The following ADAM15 variants were observed in gnomAD, a reference collection of about 807,000 sequenced individuals.
ADAM15 encodes disintegrin and metalloproteinase domain-containing protein 15.
In ADAM15, 77 loss-of-function variants were observed where a neutral mutation model predicts 113.8. That is an observed-to-expected ratio of 0.68 (90% CI 0.56 to 0.82). The LOEUF (loss-of-function observed/expected upper bound fraction) is 0.82. Among genes scored for constraint, ADAM15 ranks in the 40% least tolerant of loss-of-function variants. The pLI, the probability that ADAM15 is intolerant of heterozygous loss-of-function variation, is 0.00. For synonymous variants in ADAM15, 388 were observed against 454.1 expected, an observed-to-expected ratio of 0.85 and a Z score of 1.85; for missense variants, 963 against 1,120.1, an observed-to-expected ratio of 0.86 and a Z score of 2.00.
rs1187694708 is a variant in ADAM15 at position 155,055,530 on chromosome 1, T to C, written c.613-260T>C. 3 of 512,592 alleles carry C rather than the reference T, an allele frequency of 5.9e-6. No individual in the cohort carries two copies. In the East Asian group the frequency reaches 1.1e-4, roughly 18 times the overall value. 31.8% of individuals were successfully genotyped at this position (512,592 alleles called of 1,614,324 possible). ...CGTGAGCCACCGCACCCAGCTAAAT[T>C]ACTGTTTTTTAAAAATTTGAAAAAA... On this transcript the variant is annotated intron_variant, in intron 6 of 22. Transcript: ENST00000356955.
At position 155,054,487 on chromosome 1, in the gene ADAM15, G is replaced by A; in HGVS notation, c.593G>A (p.Gly198Glu). The A allele has an allele frequency of 6.3e-7, 1 of 1,581,282 alleles. No individual in the cohort carries two copies. The highest frequency in any genetic ancestry group is 2.3e-5 in the East Asian group (1 of 44,278). The change falls in exon 6 of 23, where the codon GGA becomes GAA. Residue 198 changes from glycine to glutamate, a missense_variant. Physicochemically the swap from Gly to Glu is moderately conservative, Grantham distance 98. Transcript: ENST00000356955. ...HTQKPPEHPL[G>E]QRHIRRRRDV... ...CAGAAGCCACCAGAGCACCCCCTGG[G>A]ACAGCGCCACATTCGCCGGGTGAGG... is the stretch of plus-strand genomic sequence containing the variant.
At chr1:155,061,758 T>C (rs1383674915) in intron 20 of ADAM15, 146 bp from the exon 21 acceptor site, 1 of 978,302 alleles carries the variant, frequency 1.0e-6, no homozygotes, top group African/African-American at 1.6e-5. Flanking sequence ...TCAGCTGGCA[T>C]GCCTCCAAGC....
Position 155,057,737 on chromosome 1 carries a change from G to A in ADAM15, c.1416+8G>A. 1 of 1,614,216 alleles carries A rather than the reference G, an allele frequency of 6.2e-7. No homozygotes were observed. ...TGTTGTCAAAATTGCCAGGTGGGTAGAGACTAGACTGGCCACCCGGAGCTC... is the reference window on the plus strand; with the variant it reads ...TGTTGTCAAAATTGCCAGGTGGGTAAAGACTAGACTGGCCACCCGGAGCTC... On this transcript the variant is annotated splice_region_variant and intron_variant, in intron 13 of 22. Coordinates refer to ENST00000356955, the MANE Select transcript of ADAM15 (RefSeq NM_207197.3). The surrounding 1 kb of genome is among the most constrained non-coding windows in gnomAD (Gnocchi z 5.0).
rs984158171 is a variant in ADAM15 at position 155,062,700 on chromosome 1, G to A, written c.*198G>A. The A allele has an allele frequency of 1.4e-6, 1 of 708,514 alleles. No individual in the cohort carries two copies. Among genetic ancestry groups the A allele is most frequent in the Admixed American group, 2.8e-5 (1 of 35,484 alleles). The allele number at this position is 708,514 out of a possible 1,614,324, so 43.9% of individuals were successfully genotyped here. ...AGCGGGGGCTTGGGGAGGGGCTGGG[G>A]GTTGGACGGGATTGAGGAAGGTCCG... On this transcript the variant is annotated 3_prime_UTR_variant, in exon 23 of 23. Transcript: ENST00000356955. This position sits in a 1 kb window ranked among gnomAD's most constrained non-coding sequence, Gnocchi z 7.0.
At chr1:155,052,505 C>T (rs1358954315) in intron 1 of ADAM15, 166 bp from the exon 2 acceptor site, 2 of 1,540,532 alleles carry the variant, frequency 1.3e-6, no homozygotes, top group Non-Finnish European at 8.7e-7. Context: ...GAGAGACACC[C>T]TCTCCTTCCA....
intron 4 of ADAM15, 58 bp from the exon 5 acceptor site, chr1:155,054,092 T>C: frequency 1.2e-6 from 2 of 1,613,064 alleles, no homozygotes; most frequent in Non-Finnish European, 1.7e-6. Flanking sequence ...GCTAGGCTCC[T>C]CAGTTCCAGT....
Position 155,057,388 on chromosome 1 carries a change from C to A in ADAM15, c.1323+26C>A. 1.9e-6 allele frequency: 3 copies of A among 1,613,418 alleles called. No homozygotes were observed. The highest frequency in any genetic ancestry group is 2.5e-6 in the Non-Finnish European group (3 of 1,179,572). On this transcript the variant is annotated intron_variant, in intron 12 of 22. Transcript: ENST00000356955. The surrounding 1 kb of genome is among the most constrained non-coding windows in gnomAD (Gnocchi z 5.0). The stretch of plus-strand genomic sequence containing the variant: ...GTGAGCCCCTTTCCCAAAGCCTCGC[C>A]CCACTCACTTCTGTACCCTCACCCT...
Position 155,056,138 on chromosome 1 carries a change from G to T in ADAM15, c.803G>T (p.Arg268Leu). Residue 268 changes from arginine to leucine, a missense_variant, in exon 9 of 23, where the codon CGT (arginine) becomes CTT (leucine). Coordinates refer to ENST00000356955, the MANE Select transcript of ADAM15 (RefSeq NM_207197.3). This position sits in a 1 kb window ranked among gnomAD's most constrained non-coding sequence, Gnocchi z 4.0. The part of the protein sequence containing the change: ...ALVGLEAWTQ[R>L]DLVEISPNPA... Reference sequence around the variant, plus strand: ...GTGGGCCTGGAGGCCTGGACCCAGCGTGACCTGGTGGAGATCAGCCCAAAC... The same window carrying T: ...GTGGGCCTGGAGGCCTGGACCCAGCTTGACCTGGTGGAGATCAGCCCAAAC... The T allele has an allele frequency of 1.9e-6, 3 of 1,613,930 alleles. No homozygotes were observed. The South Asian group carries it at 3.3e-5, about 18-fold the overall frequency.
chr1:155,056,014 AG>A lies in ADAM15; in HGVS notation c.744+17del. ...TTGCTGGACACAGTGAGTGCTGGACAGGGCAACCCCCACCCCAGGCCCCTGA... is the reference window on the plus strand; with the variant it reads ...TTGCTGGACACAGTGAGTGCTGGACAGGCAACCCCCACCCCAGGCCCCTGA... On this transcript the variant is annotated intron_variant, in intron 8 of 22. Transcript: ENST00000356955. This position sits in a 1 kb window ranked among gnomAD's most constrained non-coding sequence, Gnocchi z 4.0. 6.2e-7 allele frequency: 1 copy of A among 1,613,388 alleles called. No homozygotes were observed. Among genetic ancestry groups the A allele is most frequent in the Non-Finnish European group, 8.5e-7 (1 of 1,179,992 alleles).
chr1:155,055,912 T>G lies in ADAM15; in HGVS notation c.676-20T>G, dbSNP rs1030255866. The G allele has an allele frequency of 1.2e-6, 2 of 1,614,190 alleles. No individual in the cohort carries two copies. The highest frequency in any genetic ancestry group is 2.7e-5 in the African/African-American group (2 of 75,052). ...CTGCACTGCCCTGCCGCCTTTCATG[T>G]CACCTCTCTTGGCCTACAGGCCCAG... is the stretch of plus-strand genomic sequence containing the variant. On this transcript the variant is annotated intron_variant, in intron 7 of 22. Coordinates refer to ENST00000356955, the MANE Select transcript of ADAM15 (RefSeq NM_207197.3).
In ADAM15 at chr1:155,058,466, C is replaced by T. The variant is rs766780708; in HGVS notation, c.1917+25C>T. 16 of 1,606,746 alleles carry T rather than the reference C, an allele frequency of 1.0e-5. No individual in the cohort carries two copies. ...GGTGAGCAGCCTGGGTGGGCAAGAC[C>T]AGGTGTGAGAAGGGACATTTGGACC... On this transcript the variant is annotated intron_variant, in intron 15 of 22. Coordinates refer to ENST00000356955, the MANE Select transcript of ADAM15 (RefSeq NM_207197.3). This position sits in a 1 kb window ranked among gnomAD's most constrained non-coding sequence, Gnocchi z 4.3.
At chr1:155,054,585 G>C in intron 6 of ADAM15, 79 bp downstream of exon 6, 1 of 1,416,258 alleles carries the variant, frequency 7.1e-7, no homozygotes, top group Non-Finnish European at 9.4e-7. Flanking sequence ...TGTGTGCACA[G>C]TAACAACAGC....
At chr1:155,051,586 C>A in intron 1 of ADAM15, 121 bp downstream of exon 1, 4 of 907,936 alleles carry the variant, frequency 4.4e-6, no homozygotes, top group Non-Finnish European at 6.2e-6. Flanking sequence ...AGAGCGCGGC[C>A]CGCCCTGGTC....
At chr1:155,060,118 C>T in intron 17 of ADAM15, 87 bp from the exon 18 acceptor site, 1 of 1,580,098 alleles carries the variant, frequency 6.3e-7, no homozygotes, top group Non-Finnish European at 8.6e-7. Context: ...TCTCCCTGAT[C>T]ACTTGACTTC....
rs1662052580 is a variant in ADAM15, at chr1:155,058,151, C to T, written c.1717C>T (p.Pro573Ser). Residue 573 changes from proline (P) to serine (S), a missense_variant, in exon 14 of 23, where the codon CCT (proline) becomes TCT (serine). Coordinates refer to ENST00000356955, the MANE Select transcript of ADAM15 (RefSeq NM_207197.3). This position sits in a 1 kb window ranked among gnomAD's most constrained non-coding sequence, Gnocchi z 4.3. ...CAGTGGCAGTTATGTGTCCTGCACC[C>T]CTAGGTAAGTGAGGAAACCTGGCTC... ...NPSGSYVSCT[P>S]RDAICGQLQC... is the part of the protein sequence containing the mutation. 6.2e-7 allele frequency: 1 copy of T among 1,611,532 alleles called. No homozygotes were observed. The highest frequency in any genetic ancestry group is 1.3e-5 in the African/African-American group (1 of 74,850).
In ADAM15 at chr1:155,062,314, T is replaced by A. The variant is rs1662761767; in HGVS notation, c.2494T>A (p.Ser832Thr). 1.3e-6 allele frequency: 2 copies of A among 1,516,348 alleles called. No homozygotes were observed. The highest frequency in any genetic ancestry group is 1.8e-6 in the Non-Finnish European group (2 of 1,128,640). 93.9% of individuals were successfully genotyped at this position (1,516,348 alleles called of 1,614,324 possible). A position where few individuals can be genotyped will look rare whatever the true frequency, so the allele number is the denominator to read the frequency against. ...LPADPQGRCP[S>T]GDLPGPGAGI... Reference sequence around the variant, plus strand: ...TGCCGACCCCCAGGGCCGGTGCCCATCGGGTGACCTGCCCGGCCCAGGGGC... The same window carrying A: ...TGCCGACCCCCAGGGCCGGTGCCCAACGGGTGACCTGCCCGGCCCAGGGGC... The change falls in exon 22 of 23, where the codon TCG (serine) becomes ACG (threonine). Residue 832 changes from serine to threonine, a missense_variant. Ser to Thr is a moderately conservative substitution (Grantham distance 58). Transcript: ENST00000356955. The surrounding 1 kb of genome is among the most constrained non-coding windows in gnomAD (Gnocchi z 7.0).
At position 155,060,051 on chromosome 1, in the gene ADAM15, C is replaced by G. The variant is rs1662359703; in HGVS notation, c.2068+77C>G. 5 of 1,587,462 alleles carry G rather than the reference C, an allele frequency of 3.1e-6. No homozygotes were observed. In the Admixed American group the frequency reaches 8.4e-5, roughly 27 times the overall value. The stretch of plus-strand genomic sequence containing the variant: ...CTTTATCTTGCCCCCTCGGCCCTCT[C>G]TTTCTGACCCCCCTTTGCTGCTGGT... On this transcript the variant is annotated intron_variant, in intron 17 of 22. Transcript: ENST00000356955.
Position 155,058,530 on chromosome 1 carries a change from C to A in ADAM15, c.1917+89C>A. 1.3e-6 allele frequency: 2 copies of A among 1,562,962 alleles called. No homozygotes were observed. The highest frequency in any genetic ancestry group is 1.2e-5 in the South Asian group (1 of 86,692). On this transcript the variant is annotated intron_variant, in intron 15 of 22. Transcript: ENST00000356955. The surrounding 1 kb of genome is among the most constrained non-coding windows in gnomAD (Gnocchi z 4.3). ...CCCAGACTTCACCATTCACCAATGT[C>A]AAAGGCAGGGACTCCAAGGGAAGTC...
At chr1:155,051,552 C>G in intron 1 of ADAM15, 87 bp downstream of exon 1, 1 of 1,281,338 alleles carries the variant, frequency 7.8e-7, no homozygotes, top group Non-Finnish European at 1.0e-6. Context: ...TGGGGCCGGA[C>G]GGAGACCCTG....
Sources: allele counts gnomAD v4.1 joint callset, GRCh38; gene constraint gnomAD v4.1.1; non-coding constraint Gnocchi (gnomAD v3.1); transcripts MANE v1.5; gene names NCBI Gene and HGNC (gene_info 2026-07-23, HGNC 2026-07-21).